The following CTDP1 variants were observed in gnomAD, a reference collection of about 807,000 sequenced individuals.
The protein encoded by CTDP1 is RNA polymerase II subunit A C-terminal domain phosphatase.
A neutral mutation model predicts 91.8 loss-of-function variants in CTDP1; 47 were observed. The observed-to-expected ratio is 0.51, with a 90% CI of 0.41 to 0.65. CTDP1 has a LOEUF of 0.65. Ranked by LOEUF, CTDP1 falls within the 30% of genes least tolerant of loss-of-function variation. CTDP1 has a pLI of 0.00. For missense variants in CTDP1, 1,272 were observed against 1,373.7 expected, an observed-to-expected ratio of 0.93 and a Z score of 1.17; for synonymous variants, 656 against 598.5, an observed-to-expected ratio of 1.10 and a Z score of -1.40.
intron 4 of CTDP1, chr18:79,702,741 A>T (rs1344473352): frequency 6.6e-6 from 1 of 152,222 alleles, no homozygotes; most frequent in African/African-American, 2.4e-5. Flanking sequence ...AATGCTATTG[A>T]ATGTTTAATA....
At chr18:79,755,007 C>T (rs2087074525), downstream of CTDP1, 1 of 152,322 alleles carries the variant, frequency 6.6e-6, no homozygotes. Context: ...TGAGAACTCT[C>T]CATCCACAGG....
At chr18:79,748,602 C>G (rs2086927639) in intron 12 of CTDP1, among the ~76,000 whole-genome samples, 1 of 152,202 alleles carries the variant, frequency 6.6e-6, no homozygotes, top group Non-Finnish European at 1.5e-5. Flanking sequence ...TGGCGCCTGC[C>G]CGCAGGTTTC....
chr18:79,716,348 T>A (rs1180058543), intron 8 of CTDP1, among the ~76,000 whole-genome samples: 1 of 152,232 alleles, frequency 6.6e-6, no homozygotes, highest in Non-Finnish European at 1.5e-5. Context: ...AGGCCACGGC[T>A]CTGGCACGTA....
In CTDP1 at chr18:79,717,954, C is replaced by T. The variant is rs199810655; in HGVS notation, c.2355C>T (p.Gly785=). The T allele has an allele frequency of 5.1e-5, 82 of 1,613,356 alleles. No individual in the cohort carries two copies. Among genetic ancestry groups the T allele is most frequent in the Non-Finnish European group, 6.5e-5 (77 of 1,179,990 alleles). The change falls in exon 10 of 13, where the codon GGC becomes GGT. Residue 785 remains glycine, a synonymous_variant. Coordinates refer to ENST00000613122, the MANE Select transcript of CTDP1 (RefSeq NM_004715.5). ...DSNTGKLIRT[G]ARGPPAPSSS... ...ACACGGGGAAGCTCATCAGGACGGG[C>T]GCCCGGGGGCCCCCAGCACCCTCCA...
At chr18:79,687,306 G>A (rs2085521139) in intron 1 of CTDP1, among the ~76,000 whole-genome samples, 1 of 97,130 alleles carries the variant, frequency 1.0e-5, no homozygotes, top group African/African-American at 4.4e-5. Flanking sequence ...GTTCACTGGT[G>A]GGCCTGCACC....
chr18:79,751,529 G>C (rs1170694322), intron 12 of CTDP1, among the ~76,000 whole-genome samples: 1 of 152,126 alleles, frequency 6.6e-6, no homozygotes, highest in African/African-American at 2.4e-5. Flanking sequence ...CAGCCCACGG[G>C]GTTCTCTTGT....
intron 6 of CTDP1, 23 bp from the exon 7 acceptor site, chr18:79,712,949 A>G (rs753827315): frequency 1.4e-5 from 23 of 1,611,998 alleles, no homozygotes; most frequent in Non-Finnish European, 8.5e-7. Flanking sequence ...TATTTTTTGT[A>G]AATTATGCAT....
intron 4 of CTDP1, chr18:79,703,770 C>T (rs535310298): frequency 6.6e-6 from 1 of 152,076 alleles, no homozygotes; most frequent in South Asian, 2.1e-4. Flanking sequence ...TGGTTATGTC[C>T]TAGGCGGTCG....
chr18:79,693,560 G>A (rs896016502), intron 1 of CTDP1, among the ~76,000 whole-genome samples: 1 of 152,192 alleles, frequency 6.6e-6, no homozygotes, highest in Non-Finnish European at 1.5e-5. Context: ...ATGACGAGAT[G>A]TCTTGGGGAT....
intron 4 of CTDP1, 50 bp downstream of exon 4, chr18:79,698,038 A>G (rs544364073): frequency 2.5e-6 from 4 of 1,608,838 alleles, no homozygotes; most frequent in Admixed American, 3.4e-5. Context: ...CGCGGGTCCT[A>G]GAATTTTGAT....
At chr18:79,716,025 T>C (rs991563067) in intron 8 of CTDP1, among the ~76,000 whole-genome samples, 5 of 152,216 alleles carry the variant, frequency 3.3e-5, no homozygotes, top group Non-Finnish European at 7.3e-5. Context: ...TGCTCTGACA[T>C]GTTGAAACTT....
At chr18:79,729,736 G>A (rs373759662) in intron 11 of CTDP1, among the ~76,000 whole-genome samples, 2 of 152,202 alleles carry the variant, frequency 1.3e-5, no homozygotes. Flanking sequence ...AGGGATGGGC[G>A]ATCTGCGCAG....
chr18:79,679,253 C>A (rs570805459), upstream of CTDP1: 47 of 375,886 alleles, frequency 1.3e-4, no homozygotes, highest in East Asian at 3.3e-3. Context: ...GAAGAGAAGA[C>A]CGCAACCCCC....
intron 10 of CTDP1, among the ~76,000 whole-genome samples, chr18:79,726,848 A>G (rs115628435): frequency 0.057 from 1,348 of 23,796 alleles, 73 homozygotes; most frequent in African/African-American, 0.098. Flanking sequence ...GGGTGACGCC[A>G]TTGCTGGTGG....
intron 1 of CTDP1, among the ~76,000 whole-genome samples, chr18:79,681,945 T>G (rs1437532742): frequency 2.4e-4 from 37 of 151,944 alleles, no homozygotes; most frequent in Non-Finnish European, 1.3e-4. Flanking sequence ...AGTGTGGTGG[T>G]GGTGGTGTGA....
At chr18:79,701,251 C>T (rs1054295580) in intron 4 of CTDP1, among the ~76,000 whole-genome samples, 5 of 152,066 alleles carry the variant, frequency 3.3e-5, no homozygotes, top group Admixed American at 2.0e-4. Flanking sequence ...TGGCTCACAC[C>T]TATAATTCCA....
chr18:79,700,715 A>C (rs185832114), intron 4 of CTDP1, among the ~76,000 whole-genome samples: 10 of 152,346 alleles, frequency 6.6e-5, no homozygotes, highest in African/African-American at 2.4e-4. Flanking sequence ...TAAACACGCT[A>C]AACAACAGAT....
chr18:79,690,860 C>T (rs1164588860), intron 1 of CTDP1, among the ~76,000 whole-genome samples: 1 of 152,222 alleles, frequency 6.6e-6, no homozygotes, highest in Non-Finnish European at 1.5e-5. Context: ...AACCTTTCAA[C>T]CGCAGTACAG....
At chr18:79,714,430 G>T in intron 7 of CTDP1, 61 bp from the exon 8 acceptor site, 1 of 1,579,360 alleles carries the variant, frequency 6.3e-7, no homozygotes, top group South Asian at 1.1e-5. Flanking sequence ...CTTTAACTTG[G>T]AACGTTATTT....
Sources: gnomAD v4.1 joint callset for allele counts (sites outside exome capture counted in the v4.1 genomes callset) on GRCh38, gnomAD v4.1.1 for gene constraint, MANE v1.5 for transcripts, NCBI Gene and HGNC (gene_info 2026-07-23, HGNC 2026-07-21) for gene names.